The following CIAO3 variants were observed in gnomAD, a reference collection of about 807,000 sequenced individuals.
The protein encoded by CIAO3 is cytosolic iron-sulfur assembly component 3, also known as LET1 like/JFP15.
CIAO3 carries 45 observed loss-of-function variants against 51.5 expected under a neutral mutation model. The ratio of observed to expected loss-of-function variants is 0.87; its 90% CI spans 0.69 to 1.12. CIAO3 has a LOEUF of 1.12. CIAO3 is among the 50% of genes most tolerant of loss of function. The pLI, the probability that CIAO3 is intolerant of heterozygous loss-of-function variation, is 0.00. For missense variants in CIAO3, 668 were observed against 632.5 expected, an observed-to-expected ratio of 1.06 and a Z score of -0.60; for synonymous variants, 314 against 269.3, an observed-to-expected ratio of 1.17 and a Z score of -1.63.
rs779306164 is a variant in CIAO3, at chr16:734,331, G to C, written c.591C>G (p.Ala197=). ...ASACPGWICY[A]EKTHGSFILP... ...GGATGAAGCTGCCGTGAGTCTTCTC[G>C]GCATAGCAGATCCAGCCTGAGGTGA... is the stretch of plus-strand genomic sequence containing the variant. Residue 197 remains alanine (A), a synonymous_variant, in exon 6 of 11, where the codon GCC becomes GCG. Transcript: ENST00000251588. 6.2e-7 allele frequency: 1 copy of C among 1,610,696 alleles called. No individual in the cohort carries two copies. The highest frequency in any genetic ancestry group is 1.7e-4 in the Middle Eastern group (1 of 5,990).
intron 3 of CIAO3, among the ~76,000 whole-genome samples, chr16:736,826 G>C (rs141144790): frequency 6.6e-6 from 1 of 152,134 alleles, no homozygotes; most frequent in Non-Finnish European, 1.5e-5. Flanking sequence ...ACCACACCTG[G>C]CTAATTCTTG....
At chr16:731,409 G>A in intron 9 of CIAO3, 156 bp downstream of exon 9, 1 of 1,091,988 alleles carries the variant, frequency 9.2e-7, no homozygotes, top group South Asian at 1.9e-5. Context: ...GAGCCCGCCA[G>A]GAGGGCCCTG....
Position 730,452 on chromosome 16 carries a change from C to T in CIAO3, c.1396G>A (p.Glu466Lys). Residue 466 changes from glutamate (E) to lysine (K), a missense_variant, in exon 11 of 11, where the codon GAG becomes AAG. Physicochemically the swap from Glu to Lys is moderately conservative, Grantham distance 56. Transcript: ENST00000251588. The part of the protein sequence containing the change: ...RLLHTQYHAV[E>K]KASTGLGIRW ...ATGCCCAGGCCAGTGCTGGCCTTCT[C>T]CACGGCGTGGTACTGCGTATGCAGC... is the stretch of plus-strand genomic sequence containing the variant. The T allele has an allele frequency of 6.2e-7, 1 of 1,605,700 alleles. No homozygotes were observed. The highest frequency in any genetic ancestry group is 1.1e-5 in the South Asian group (1 of 91,088).
intron 3 of CIAO3, among the ~76,000 whole-genome samples, chr16:736,748 C>T (rs540389709): frequency 1.3e-5 from 2 of 152,294 alleles, no homozygotes; most frequent in Admixed American, 1.3e-4. Context: ...ACTGCAACCT[C>T]TGTCTCCTGG....
chr16:740,833 G>A, intron 1 of CIAO3, 87 bp downstream of exon 1: 1 of 1,312,210 alleles, frequency 7.6e-7, no homozygotes, highest in Admixed American at 2.0e-5. Flanking sequence ...TCATTCCTCA[G>A]GGGAGGAAGT....
At chr16:740,076 T>G in intron 1 of CIAO3, 2 of 1,354,260 alleles carry the variant, frequency 1.5e-6, no homozygotes, top group South Asian at 2.5e-5. Flanking sequence ...AGAGTTGCAC[T>G]GCCCATCGAG....
intron 6 of CIAO3, chr16:733,704 G>A (rs1157302388): frequency 1.5e-5 from 7 of 465,878 alleles, no homozygotes; most frequent in East Asian, 4.3e-5. Context: ...GGCTCGGGCC[G>A]TCTCACTGCA....
chr16:736,236 C>A (rs369566124), intron 4 of CIAO3, 30 bp downstream of exon 4: 2 of 1,611,046 alleles, frequency 1.2e-6, no homozygotes, highest in Non-Finnish European at 1.7e-6. Flanking sequence ...TGATTTGGAG[C>A]GGCAGTGTTA....
rs779306164 is a variant in CIAO3 at position 734,331 on chromosome 16, G to A, written c.591C>T (p.Ala197=). 3.7e-6 allele frequency: 6 copies of A among 1,610,578 alleles called. No homozygotes were observed. The highest frequency in any genetic ancestry group is 3.3e-5 in the South Asian group (3 of 91,048). The part of the protein sequence containing the change: ...ASACPGWICY[A]EKTHGSFILP... ...GGATGAAGCTGCCGTGAGTCTTCTC[G>A]GCATAGCAGATCCAGCCTGAGGTGA... Residue 197 remains alanine (A), a synonymous_variant, in exon 6 of 11, where the codon GCC becomes GCT. Transcript: ENST00000251588.
Position 730,482 on chromosome 16 carries a change from G to T in CIAO3, c.1366C>A (p.Arg456Ser). The stretch of plus-strand genomic sequence containing the variant: ...GCGTGGTACTGCGTATGCAGCAAGC[G>T]ACCTGCACACTCCGAGTCCGTGCCC... ...LQGTDSECAG[R>S]LLHTQYHAVE... is the part of the protein sequence containing the mutation. The change falls in exon 11 of 11, where the codon CGC becomes AGC. Residue 456 changes from arginine (R) to serine (S), a missense_variant. Arg to Ser is a moderately radical substitution (Grantham distance 110). Coordinates refer to ENST00000251588, the MANE Select transcript of CIAO3 (RefSeq NM_022493.3). 1 of 1,608,910 alleles carries T rather than the reference G, an allele frequency of 6.2e-7. No homozygotes were observed. Among genetic ancestry groups the T allele is most frequent in the Non-Finnish European group, 8.5e-7 (1 of 1,179,958 alleles).
chr16:729,822 C>G lies in CIAO3; in HGVS notation c.*595G>C. On this transcript the variant is annotated 3_prime_UTR_variant, in exon 11 of 11. Transcript: ENST00000251588. Reference sequence around the variant, plus strand: ...GCTGGGAGACAGGCCTGGTGGGGACCTGGCTGGGGGATGATGCAGCCCGCG... The same window carrying G: ...GCTGGGAGACAGGCCTGGTGGGGACGTGGCTGGGGGATGATGCAGCCCGCG... The G allele has an allele frequency of 3.5e-6, 3 of 850,928 alleles. No individual in the cohort carries two copies. Among genetic ancestry groups the G allele is most frequent in the Non-Finnish European group, 4.9e-6 (3 of 616,930 alleles). 52.7% of individuals were successfully genotyped at this position (850,928 alleles called of 1,614,324 possible).
chr16:739,623 A>T lies in CIAO3; in HGVS notation c.162+20T>A, dbSNP rs371177921. ...ATCAGCCGGGCAGGAGAGATGGTGGAGCAGCCTCCTGTGCCTTACTTGGTT... is the reference window on the plus strand; with the variant it reads ...ATCAGCCGGGCAGGAGAGATGGTGGTGCAGCCTCCTGTGCCTTACTTGGTT... On this transcript the variant is annotated intron_variant, in intron 2 of 10. Transcript: ENST00000251588. The T allele has an allele frequency of 3.7e-6, 6 of 1,609,226 alleles. No homozygotes were observed. The highest frequency in any genetic ancestry group is 5.1e-6 in the Non-Finnish European group (6 of 1,175,694).
chr16:731,065 G>A (rs893712310), intron 9 of CIAO3, 65 bp from the exon 10 acceptor site: 1 of 1,592,166 alleles, frequency 6.3e-7, no homozygotes, highest in Non-Finnish European at 8.6e-7. Flanking sequence ...GCCTGGAAGG[G>A]GAGGCCTGCT....
At chr16:740,035 G>C (rs1380874865) in intron 1 of CIAO3, 2 of 1,415,660 alleles carry the variant, frequency 1.4e-6, no homozygotes, top group Non-Finnish European at 1.9e-6. Context: ...CACCCTTCAC[G>C]TGAACAGGGG....
Position 730,434 on chromosome 16 carries a change from G to A in CIAO3, c.1414C>T (p.Leu472=), listed in dbSNP as rs1173654972. ...TGCAGCCCCTACCACCGGATGCCCA[G>A]GCCAGTGCTGGCCTTCTCCACGGCG... ...YHAVEKASTG[L]GIRW is the part of the protein sequence containing the mutation. The change falls in exon 11 of 11, where the codon CTG becomes TTG. Residue 472 remains leucine (L), a synonymous_variant. Transcript: ENST00000251588. 4 of 1,603,184 alleles carry A rather than the reference G, an allele frequency of 2.5e-6. No homozygotes were observed. The highest frequency in any genetic ancestry group is 3.4e-6 in the Non-Finnish European group (4 of 1,179,880).
rs771352387 is a variant in CIAO3, at chr16:730,446, C to T, written c.1402G>A (p.Ala468Thr). ...CACCGGATGCCCAGGCCAGTGCTGG[C>T]CTTCTCCACGGCGTGGTACTGCGTA... ...LHTQYHAVEK[A>T]STGLGIRW The change falls in exon 11 of 11, where the codon GCC (alanine) becomes ACC (threonine). Residue 468 changes from alanine to threonine, a missense_variant. Physicochemically the swap from Ala to Thr is moderately conservative, Grantham distance 58. Coordinates refer to ENST00000251588, the MANE Select transcript of CIAO3 (RefSeq NM_022493.3). 3.0e-5 allele frequency: 48 copies of T among 1,604,708 alleles called. No homozygotes were observed. Among genetic ancestry groups the T allele is most frequent in the African/African-American group, 4.0e-5 (3 of 74,936 alleles).
Position 737,323 on chromosome 16 carries a change from C to A in CIAO3, c.169G>T (p.Gly57Trp), listed in dbSNP as rs1008474423. 6.2e-7 allele frequency: 1 copy of A among 1,613,016 alleles called. No homozygotes were observed. The highest frequency in any genetic ancestry group is 1.3e-5 in the African/African-American group (1 of 75,026). ...TTGGCCTTCTCCAGCCTCCGGGTCC[C>A]GCCGTCCTACAAGGGAGAAGAACCC... ...GSYFQINQDG[G>W]TRRLEKAKVS... Residue 57 changes from glycine (G) to tryptophan (W), a missense_variant, in exon 3 of 11, where the codon GGG (glycine) becomes TGG (tryptophan). Gly to Trp is a radical substitution (Grantham distance 184). Transcript: ENST00000251588. This position sits in a 1 kb window ranked among gnomAD's most constrained non-coding sequence, Gnocchi z 5.3.
chr16:736,405 A>G lies in CIAO3; in HGVS notation c.307-7T>C. 6.2e-7 allele frequency: 1 copy of G among 1,612,542 alleles called. No homozygotes were observed. Among genetic ancestry groups the G allele is most frequent in the Non-Finnish European group, 8.5e-7 (1 of 1,179,772 alleles). ...GCTGACTGGGTGCCGCCATCTGCAA[A>G]GCAAGGGGAAGACGCTGCTTACTCT... On this transcript the variant is annotated splice_region_variant and splice_polypyrimidine_tract_variant and intron_variant, in intron 3 of 10. Transcript: ENST00000251588.
chr16:732,644 C>CTTT, intron 7 of CIAO3: 19 of 435,452 alleles, frequency 4.4e-5, no homozygotes, highest in East Asian at 3.0e-4. Context: ...GTCTGCTTTT[C>CTTT]TTTTTTTTTT....
Sources: allele counts gnomAD v4.1 joint callset (sites outside exome capture counted in the v4.1 genomes callset), GRCh38; gene constraint gnomAD v4.1.1; non-coding constraint Gnocchi (gnomAD v3.1); transcripts MANE v1.5; gene names NCBI Gene and HGNC (gene_info 2026-07-23, HGNC 2026-07-21).